The following XPO1 variants were observed in gnomAD, a reference collection of about 807,000 sequenced individuals.
XPO1 encodes exportin 1.
A neutral mutation model predicts 133.3 loss-of-function variants in XPO1; 5 were observed. That is an observed-to-expected ratio of 0.04 (90% confidence interval 0.02 to 0.08). XPO1 has a LOEUF of 0.08. XPO1 is among the 10% of genes least tolerant of loss of function. XPO1 has a pLI of 1.00. For synonymous variants in XPO1, 419 were observed against 408.2 expected (o/e 1.03, Z -0.32); for missense variants, 506 against 1,267.5 (o/e 0.40, Z 9.12).
intron 3 of XPO1, chr2:61,525,373 T>C (rs1278996317): frequency 1.0e-6 from 1 of 990,544 alleles, no homozygotes; most frequent in Non-Finnish European, 1.2e-6. Context: ...TTATGATTAA[T>C]ATCAGGTAGT....
At chr2:61,507,530 C>T (rs1697887601) in intron 4 of XPO1, among the ~76,000 whole-genome samples, 1 of 151,916 alleles carries the variant, frequency 6.6e-6, no homozygotes, top group South Asian at 2.1e-4. Context: ...ATGATTGTGT[C>T]ACTGCACTTC....
intron 2 of XPO1, among the ~76,000 whole-genome samples, chr2:61,527,819 T>C (rs1386207468): frequency 1.1e-4 from 17 of 152,244 alleles, no homozygotes; most frequent in Non-Finnish European, 2.4e-4. Context: ...TACGTAGTCA[T>C]CATCTTGTGC....
chr2:61,478,642 C>G lies in XPO1; in HGVS notation c.*178G>C, dbSNP rs996928790. On this transcript the variant is annotated 3_prime_UTR_variant, in exon 25 of 25. Transcript: ENST00000401558. ...TAAATAAAGATGACCAAAACAAAAGCTTAAACAATGGAAGGATATTTCACA... is the reference window on the plus strand; with the variant it reads ...TAAATAAAGATGACCAAAACAAAAGGTTAAACAATGGAAGGATATTTCACA... 3.1e-6 allele frequency: 2 copies of G among 636,016 alleles called. No homozygotes were observed. The highest frequency in any genetic ancestry group is 1.9e-5 in the African/African-American group (1 of 53,494). The allele number at this position is 636,016 out of a possible 1,614,324, so 39.4% of individuals were successfully genotyped here. A position where few individuals can be genotyped will look rare whatever the true frequency, so the allele number is the denominator to read the frequency against.
At chr2:61,531,972 C>G (rs751675716) in intron 2 of XPO1, among the ~76,000 whole-genome samples, 9 of 152,080 alleles carry the variant, frequency 5.9e-5, no homozygotes, top group Admixed American at 2.6e-4. Flanking sequence ...CAAGTTTCTA[C>G]TATAGTAAAA....
At chr2:61,528,880 T>C (rs1699034672) in intron 2 of XPO1, among the ~76,000 whole-genome samples, 2 of 151,804 alleles carry the variant, frequency 1.3e-5, no homozygotes, top group African/African-American at 2.4e-5. Context: ...TTCACTTTTG[T>C]ATCTTTAAAG....
At chr2:61,498,401 C>T (rs1259757813) in intron 9 of XPO1, among the ~76,000 whole-genome samples, 1 of 152,186 alleles carries the variant, frequency 6.6e-6, no homozygotes, top group African/African-American at 2.4e-5. Flanking sequence ...ACTTGACTTA[C>T]CTCACTGTAA....
intron 24 of XPO1, among the ~76,000 whole-genome samples, chr2:61,479,963 C>G (rs1696258446): frequency 6.6e-6 from 1 of 152,266 alleles, no homozygotes; most frequent in South Asian, 2.1e-4. Context: ...CTCCTGGGTT[C>G]AAGTGATTCT....
chr2:61,527,424 G>C (rs573721849), intron 2 of XPO1, among the ~76,000 whole-genome samples: 10 of 151,950 alleles, frequency 6.6e-5, no homozygotes, highest in Admixed American at 5.9e-4. Context: ...GGAAATCAAG[G>C]TTGCACCGAG....
At chr2:61,498,627 A>G (rs368396894) in intron 9 of XPO1, 46 bp downstream of exon 9, 23 of 1,606,004 alleles carry the variant, frequency 1.4e-5, no homozygotes, top group African/African-American at 4.0e-5. Flanking sequence ...TGAAAAGAAT[A>G]TATGTGGCTA....
intron 3 of XPO1, chr2:61,526,162 C>A: frequency 7.8e-7 from 1 of 1,277,758 alleles, no homozygotes; most frequent in Non-Finnish European, 9.9e-7. Context: ...GACCTGTATA[C>A]ATATACTAAA....
At chr2:61,537,434 C>G (rs1699402479) in intron 1 of XPO1, 128 bp downstream of exon 1, 1 of 148,398 alleles carries the variant, frequency 6.7e-6, no homozygotes, top group Non-Finnish European at 1.5e-5. Context: ...CGCCGCGCCC[C>G]CGGCCCGCCC....
At chr2:61,511,429 T>C (rs1321270011) in intron 4 of XPO1, among the ~76,000 whole-genome samples, 1 of 152,096 alleles carries the variant, frequency 6.6e-6, no homozygotes, top group Non-Finnish European at 1.5e-5. Flanking sequence ...GCCCAGCCTA[T>C]CTTTTCAGAT....
At chr2:61,504,862 A>G (rs1697716830) in intron 4 of XPO1, among the ~76,000 whole-genome samples, 1 of 152,216 alleles carries the variant, frequency 6.6e-6, no homozygotes, top group African/African-American at 2.4e-5. Context: ...AACAGTAATT[A>G]TGGACTTTCC....
At chr2:61,481,361 TAC>T in intron 23 of XPO1, 80 bp from the exon 24 acceptor site, 1 of 1,031,920 alleles carries the variant, frequency 9.7e-7, no homozygotes, top group Non-Finnish European at 1.4e-6. Flanking sequence ...CAGGCTGGAG[TAC>T]AGTGGCATGA....
intron 4 of XPO1, among the ~76,000 whole-genome samples, chr2:61,521,725 C>T (rs1023713231): frequency 2.0e-5 from 3 of 152,066 alleles, no homozygotes; most frequent in African/African-American, 4.8e-5. Context: ...TTTCCATTCC[C>T]GAGTTAACCT....
intron 2 of XPO1, among the ~76,000 whole-genome samples, chr2:61,529,168 C>A (rs1464388681): frequency 6.6e-6 from 1 of 152,072 alleles, no homozygotes; most frequent in Non-Finnish European, 1.5e-5. Flanking sequence ...GCCTGTGTGA[C>A]AGAGCAAGAA....
chr2:61,517,335 G>A (rs1030781392), intron 4 of XPO1, among the ~76,000 whole-genome samples: 1 of 152,202 alleles, frequency 6.6e-6, no homozygotes, highest in African/African-American at 2.4e-5. Flanking sequence ...TGTAACCCCA[G>A]CACTTTGGGA....
At chr2:61,511,816 T>TGG (rs1367391402) in intron 4 of XPO1, among the ~76,000 whole-genome samples, 3 of 152,274 alleles carry the variant, frequency 2.0e-5, no homozygotes, top group African/African-American at 7.2e-5. Context: ...TGGAATGCAG[T>TGG]GGCATGATCA....
chr2:61,511,515 GA>G (rs1232195959), intron 4 of XPO1, among the ~76,000 whole-genome samples: 1 of 151,882 alleles, frequency 6.6e-6, no homozygotes, highest in African/African-American at 2.4e-5. Context: ...GGACTCAAAT[GA>G]TTCTCCCGCC....
Sources: allele counts gnomAD v4.1 joint callset (sites outside exome capture counted in the v4.1 genomes callset), GRCh38; gene constraint gnomAD v4.1.1; transcripts MANE v1.5; gene names NCBI Gene and HGNC (gene_info 2026-07-23, HGNC 2026-07-21).